Variants in GJC2 observed in about 807,000 individuals in gnomAD.
GJC2 encodes the protein gap junction gamma-2 protein.
For synonymous variants in GJC2, 336 were observed against 307.5 expected (o/e 1.09, Z -0.97); for missense variants, 647 against 648.9 (o/e 1.00, Z 0.03).
chr1:228,155,005 G>T (rs1170478411), intron 1 of GJC2, among the ~76,000 whole-genome samples: 1 of 152,178 alleles, frequency 6.6e-6, no homozygotes, highest in Non-Finnish European at 1.5e-5. Flanking sequence ...CAGAGCAAAG[G>T]TGTGTGTCTG....
At chr1:228,157,076 G>T (rs2034690982) in intron 1 of GJC2, among the ~76,000 whole-genome samples, 1 of 148,916 alleles carries the variant, frequency 6.7e-6, no homozygotes, top group African/African-American at 2.6e-5. Context: ...AGGGCAGCGG[G>T]ACCAGCCGGG....
At chr1:228,153,615 A>C (rs1571905456) in intron 1 of GJC2, among the ~76,000 whole-genome samples, 9 of 121,370 alleles carry the variant, frequency 7.4e-5, no homozygotes, top group Admixed American at 2.0e-4. Context: ...ACAGCGTCTC[A>C]CTCTGTTGCC....
At position 228,158,050 on chromosome 1, in the gene GJC2, G is replaced by T; in HGVS notation, c.292G>T (p.Ala98Ser). ...GCCCTCGGTCATGTACCTGGGCTAC[G>T]CCGTGCACCGCCTGGCCCGTGCGTC... ...STPSVMYLGY[A>S]VHRLARASEQ... is the part of the protein sequence containing the mutation. Residue 98 changes from alanine to serine, a missense_variant, in exon 2 of 2, where the codon GCC (alanine) becomes TCC (serine). Transcript: ENST00000366714. The surrounding 1 kb of genome is among the most constrained non-coding windows in gnomAD (Gnocchi z 8.3). 5 of 1,607,538 alleles carry T rather than the reference G, an allele frequency of 3.1e-6. No individual in the cohort carries two copies. Among genetic ancestry groups the T allele is most frequent in the Non-Finnish European group, 4.2e-6 (5 of 1,179,034 alleles).
In GJC2 at chr1:228,150,674, G is replaced by A. The variant is rs1247779293; in HGVS notation, c.-20+667G>A. Among the ~76,000 whole-genome samples, 1 of 152,086 alleles carries A rather than the reference G, an allele frequency of 6.6e-6. No homozygotes were observed. The highest frequency in any genetic ancestry group is 2.4e-5 in the African/African-American group (1 of 41,424). ...GGGCGGCGTGGCTGAGGAGGGGGAG[G>A]CCCACACCCCTCTGGGAGGGCGGAG... On this transcript the variant is annotated intron_variant, in intron 1 of 1. Coordinates refer to ENST00000366714, the MANE Select transcript of GJC2 (RefSeq NM_020435.4). This position sits in a 1 kb window ranked among gnomAD's most constrained non-coding sequence, Gnocchi z 4.6.
At position 228,159,113 on chromosome 1, in the gene GJC2, AG is replaced by A; in HGVS notation, c.*38del. On this transcript the variant is annotated 3_prime_UTR_variant, in exon 2 of 2. Coordinates refer to ENST00000366714, the MANE Select transcript of GJC2 (RefSeq NM_020435.4). The surrounding 1 kb of genome is among the most constrained non-coding windows in gnomAD (Gnocchi z 4.0). ...CTTGCGAGCTGGGCCAGGGAGGAGG[AG>A]GGTTGGGGGGCTCCGGTGGAAACCT... The A allele has an allele frequency of 6.2e-7, 1 of 1,606,042 alleles. No individual in the cohort carries two copies.
chr1:228,157,514 TC>T lies in GJC2; in HGVS notation c.-19-222del, dbSNP rs559463555. On this transcript the variant is annotated intron_variant, in intron 1 of 1. Coordinates refer to ENST00000366714, the MANE Select transcript of GJC2 (RefSeq NM_020435.4). ...CACTTGAGTGGTGCTTGCCTCAGTGTCCCCATCTGCCTCATGAAGGCAACTC... is the reference window on the plus strand; with the variant it reads ...CACTTGAGTGGTGCTTGCCTCAGTGTCCCATCTGCCTCATGAAGGCAACTC... Among the ~76,000 whole-genome samples, 760 of 152,218 alleles carry T rather than the reference TC, an allele frequency of 5.0e-3. 31 individuals are homozygous for T. The highest frequency in any genetic ancestry group is 0.047 in the Admixed American group (724 of 15,304).
intron 1 of GJC2, among the ~76,000 whole-genome samples, chr1:228,157,050 C>CCCTGGGCA (rs1328933397): frequency 2.0e-5 from 3 of 151,992 alleles, no homozygotes; most frequent in African/African-American, 7.3e-5. Flanking sequence ...AGCCCTGGGA[C>CCCTGGGCA]CCTGGGCACC....
rs2124966466 is a variant in GJC2, at chr1:228,158,297, A to G, written c.539A>G (p.Lys180Arg). ...GCAGGCGCGGAGGAGGCGTGCACTAAGGCGGTCGGCGCTGACGGCAAGGCG... is the reference window on the plus strand; with the variant it reads ...GCAGGCGCGGAGGAGGCGTGCACTAGGGCGGTCGGCGCTGACGGCAAGGCG... ...EEAGAEEACT[K>R]AVGADGKAAG... The change falls in exon 2 of 2, where the codon AAG (lysine) becomes AGG (arginine). Residue 180 changes from lysine to arginine, a missense_variant. By Grantham distance (26) the Lys-to-Arg change is conservative. Coordinates refer to ENST00000366714, the MANE Select transcript of GJC2 (RefSeq NM_020435.4). This position sits in a 1 kb window ranked among gnomAD's most constrained non-coding sequence, Gnocchi z 8.3. 6.5e-7 allele frequency: 1 copy of G among 1,540,116 alleles called. No homozygotes were observed. Among genetic ancestry groups the G allele is most frequent in the Non-Finnish European group, 8.7e-7 (1 of 1,145,610 alleles).
rs2034600157 is a variant in GJC2 at position 228,150,348 on chromosome 1, A to G, written c.-20+341A>G. Among the ~76,000 whole-genome samples the G allele has an allele frequency of 6.6e-6, 1 of 152,064 alleles. No homozygotes were observed. The highest frequency in any genetic ancestry group is 2.4e-5 in the African/African-American group (1 of 41,420). The stretch of plus-strand genomic sequence containing the variant: ...CCCCAGCAGCTGGGGCCCCTCAGGT[A>G]GTGATAGGGCTGGCCTCTGAAACAC... On this transcript the variant is annotated intron_variant, in intron 1 of 1. Transcript: ENST00000366714. This position sits in a 1 kb window ranked among gnomAD's most constrained non-coding sequence, Gnocchi z 4.6.
Position 228,157,974 on chromosome 1 carries a change from GCC to G in GJC2, c.219_220del (p.Leu74ValfsTer33), listed in dbSNP as rs2124966088. 1 of 1,612,338 alleles carries G rather than the reference GCC, an allele frequency of 6.2e-7. No individual in the cohort carries two copies. The highest frequency in any genetic ancestry group is 8.5e-7 in the Non-Finnish European group (1 of 1,179,738). The stretch of plus-strand genomic sequence containing the variant: ...ACAACGTCTGCTATGACGCCTTCGC[GCC>G]CCTGTCGCACGTGCGCTTCTGGGTC... The part of the protein sequence containing the change: ...CDNVCYDAFA[P>X]LSHVRFWVFQ... On this transcript the variant is annotated frameshift_variant, in exon 2 of 2. Coordinates refer to ENST00000366714, the MANE Select transcript of GJC2 (RefSeq NM_020435.4). LOFTEE classifies it low-confidence loss of function (END_TRUNC).
intron 1 of GJC2, among the ~76,000 whole-genome samples, chr1:228,156,747 T>G (rs1298738298): frequency 6.6e-6 from 1 of 152,186 alleles, no homozygotes; most frequent in Non-Finnish European, 1.5e-5. Flanking sequence ...GTACTGGCCC[T>G]GGGGCAACCG....
chr1:228,157,737 C>CCGGGGGGGGGGGGGGGCGG lies in GJC2; in HGVS notation c.-19-3_-19-2insCGGGGGGGGGGGGGGGCGG. ...CCTGGCTGACCCCTACCCCGCCCCA[C>CCGGGGGGGGGGGGGGGCGG]AGGACCCGCCCGCCCGCCCCTATGA... On this transcript the variant is annotated splice_region_variant and splice_polypyrimidine_tract_variant and intron_variant, in intron 1 of 1. Transcript: ENST00000366714. 1.5e-6 allele frequency: 1 copy of CCGGGGGGGGGGGGGGGCGG among 682,662 alleles called. No homozygotes were observed. The allele number at this position is 682,662 out of a possible 1,614,324, so 42.3% of individuals were successfully genotyped here.
chr1:228,157,743 C>CGGCA lies in GJC2; in HGVS notation c.-16_-15insGGCA. The CGGCA allele has an allele frequency of 3.2e-6, 1 of 310,382 alleles. No homozygotes were observed. Among genetic ancestry groups the CGGCA allele is most frequent in the Non-Finnish European group, 6.5e-6 (1 of 154,374 alleles). The allele number at this position is 310,382 out of a possible 1,614,324, so 19.2% of individuals were successfully genotyped here. A position where few individuals can be genotyped will look rare whatever the true frequency, so the allele number is the denominator to read the frequency against. On this transcript the variant is annotated 5_prime_UTR_variant, in exon 2 of 2. Coordinates refer to ENST00000366714, the MANE Select transcript of GJC2 (RefSeq NM_020435.4). ...TGACCCCTACCCCGCCCCACAGGACCCGCCCGCCCGCCCCTATGACCAACA... is the reference window on the plus strand; with the variant it reads ...TGACCCCTACCCCGCCCCACAGGACCGGCACGCCCGCCCGCCCCTATGACCAACA...
rs566892682 is a variant in GJC2 at position 228,153,309 on chromosome 1, C to T, written c.-20+3302C>T. Among the ~76,000 whole-genome samples, 5 of 151,598 alleles carry T rather than the reference C, an allele frequency of 3.3e-5. No individual in the cohort carries two copies. In the South Asian group the frequency reaches 8.3e-4, roughly 25 times the overall value. ...GAGGCTGAGGCAGGATTGCTTGAGG[C>T]CAGGAGATCAAGGAGACGATGGTGA... is the stretch of plus-strand genomic sequence containing the variant. On this transcript the variant is annotated intron_variant, in intron 1 of 1. Transcript: ENST00000366714.
In GJC2 at chr1:228,152,216, AG is replaced by A. The variant is rs1262953350; in HGVS notation, c.-20+2212del. Among the ~76,000 whole-genome samples, 1 of 152,108 alleles carries A rather than the reference AG, an allele frequency of 6.6e-6. No homozygotes were observed. Among genetic ancestry groups the A allele is most frequent in the Non-Finnish European group, 1.5e-5 (1 of 68,000 alleles). ...TTCGGGGAAGGGAGGAGCCTGCCCC[AG>A]GGTCCCGCCTGGTGAACTGTGTGCG... On this transcript the variant is annotated intron_variant, in intron 1 of 1. Transcript: ENST00000366714. This position sits in a 1 kb window ranked among gnomAD's most constrained non-coding sequence, Gnocchi z 7.3.
Position 228,159,334 on chromosome 1 carries a change from G to T in GJC2, c.*256G>T, listed in dbSNP as rs1458513617. On this transcript the variant is annotated 3_prime_UTR_variant, in exon 2 of 2. Coordinates refer to ENST00000366714, the MANE Select transcript of GJC2 (RefSeq NM_020435.4). The surrounding 1 kb of genome is among the most constrained non-coding windows in gnomAD (Gnocchi z 4.0). ...CCCTCTGCTGTGGTCTGAACCCCAGGGGGAGTGGGGCATTGACTCCACCCC... is the reference window on the plus strand; with the variant it reads ...CCCTCTGCTGTGGTCTGAACCCCAGTGGGAGTGGGGCATTGACTCCACCCC... 1 of 544,256 alleles carries T rather than the reference G, an allele frequency of 1.8e-6. No homozygotes were observed. Among genetic ancestry groups the T allele is most frequent in the Non-Finnish European group, 3.4e-6 (1 of 297,386 alleles). The allele number at this position is 544,256 out of a possible 1,614,324, so 33.7% of individuals were successfully genotyped here.
chr1:228,157,741 A>AGCACCC lies in GJC2; in HGVS notation c.-18_-17insGCACCC. The AGCACCC allele has an allele frequency of 2.8e-6, 1 of 354,470 alleles. No individual in the cohort carries two copies. The highest frequency in any genetic ancestry group is 2.6e-5 in the African/African-American group (1 of 38,640). 22.0% of individuals were successfully genotyped at this position (354,470 alleles called of 1,614,324 possible). A position where few individuals can be genotyped will look rare whatever the true frequency, so the allele number is the denominator to read the frequency against. ...GCTGACCCCTACCCCGCCCCACAGG[A>AGCACCC]CCCGCCCGCCCGCCCCTATGACCAA... is the stretch of plus-strand genomic sequence containing the variant. On this transcript the variant is annotated splice_region_variant and 5_prime_UTR_variant, in exon 2 of 2. Transcript: ENST00000366714.
At chr1:228,156,590 G>C (rs1187377495) in intron 1 of GJC2, among the ~76,000 whole-genome samples, 1 of 152,234 alleles carries the variant, frequency 6.6e-6, no homozygotes, top group East Asian at 1.9e-4. Flanking sequence ...GGGTGGGGAG[G>C]CCTCAGCTGC....
rs1218884072 is a variant in GJC2, at chr1:228,159,433, G to T, written c.*355G>T. ...GCTTCCCTGCAGCAACCCATGGAGGGCCCAGGGTGCCTGGTATGGGCATCA... is the reference window on the plus strand; with the variant it reads ...GCTTCCCTGCAGCAACCCATGGAGGTCCCAGGGTGCCTGGTATGGGCATCA... On this transcript the variant is annotated 3_prime_UTR_variant, in exon 2 of 2. Transcript: ENST00000366714. The surrounding 1 kb of genome is among the most constrained non-coding windows in gnomAD (Gnocchi z 4.0). 1.1e-5 allele frequency: 3 copies of T among 262,524 alleles called. No individual in the cohort carries two copies. The highest frequency in any genetic ancestry group is 2.3e-5 in the Non-Finnish European group (3 of 128,230). The allele number at this position is 262,524 out of a possible 1,614,324, so 16.3% of individuals were successfully genotyped here.
Sources: allele counts gnomAD v4.1 joint callset (sites outside exome capture counted in the v4.1 genomes callset), GRCh38; gene constraint gnomAD v4.1.1; non-coding constraint Gnocchi (gnomAD v3.1); transcripts MANE v1.5; gene names NCBI Gene and HGNC (gene_info 2026-07-23, HGNC 2026-07-21).